PALLD: variants seen among roughly 807,000 people sequenced by gnomAD.
PALLD encodes the protein palladin.
A neutral mutation model predicts 123.5 loss-of-function variants in PALLD; 61 were observed. The observed-to-expected ratio is 0.49, with a 90% CI of 0.40 to 0.61. The LOEUF is 0.61. PALLD is among the 20% of genes least tolerant of loss of function. The pLI is 0.00. For synonymous variants in PALLD, 465 were observed against 496.4 expected, an observed-to-expected ratio of 0.94 and a Z score of 0.84; for missense variants, 1,273 against 1,377.0, an observed-to-expected ratio of 0.92 and a Z score of 1.20.
At chr4:168,525,467 G>A (rs1763954710) in intron 2 of PALLD, among the ~76,000 whole-genome samples, 1 of 152,208 alleles carries the variant, frequency 6.6e-6, no homozygotes, top group African/African-American at 2.4e-5. Context: ...TGTTAGGTGT[G>A]CAGACAAGGA....
intron 6 of PALLD, among the ~76,000 whole-genome samples, chr4:168,689,768 C>T (rs550147604): frequency 1.3e-5 from 2 of 152,062 alleles, no homozygotes; most frequent in Admixed American, 6.5e-5. Context: ...ATTCTATAGT[C>T]AGAAGTTTAA....
intron 10 of PALLD, among the ~76,000 whole-genome samples, chr4:168,838,389 G>A (rs192299110): frequency 2.6e-5 from 4 of 152,210 alleles, no homozygotes; most frequent in African/African-American, 4.8e-5. Flanking sequence ...ATGGAAGCTC[G>A]TGGAAGTTCT....
At chr4:168,795,098 C>A (rs1017053520) in intron 10 of PALLD, among the ~76,000 whole-genome samples, 2 of 152,114 alleles carry the variant, frequency 1.3e-5, no homozygotes, top group African/African-American at 4.8e-5. Context: ...ATGAGAGTTC[C>A]ACCCTTGTGA....
At chr4:168,532,798 C>T (rs2056943689) in intron 2 of PALLD, among the ~76,000 whole-genome samples, 1 of 151,934 alleles carries the variant, frequency 6.6e-6, no homozygotes, top group African/African-American at 2.4e-5. Flanking sequence ...GAAGAAATCA[C>T]AGATAATGAA....
At chr4:168,566,795 G>T (rs949439528) in intron 2 of PALLD, among the ~76,000 whole-genome samples, 20 of 152,180 alleles carry the variant, frequency 1.3e-4, no homozygotes, top group Non-Finnish European at 2.5e-4. Context: ...CTAAGCAGAA[G>T]AAATCTGCAT....
intron 2 of PALLD, among the ~76,000 whole-genome samples, chr4:168,559,194 C>CT (rs112575187): frequency 0.15 from 23,127 of 152,118 alleles, 1,847 homozygotes; most frequent in Middle Eastern, 0.25. Context: ...GTATTTCCCC[C>CT]GATGTATCTG....
chr4:168,729,003 G>A (rs559585766), intron 10 of PALLD, among the ~76,000 whole-genome samples: 2 of 152,238 alleles, frequency 1.3e-5, no homozygotes, highest in East Asian at 3.9e-4. Context: ...TTAACTCTTG[G>A]TGATAGTAGT....
chr4:168,847,578 C>A (rs1022056352), intron 10 of PALLD, among the ~76,000 whole-genome samples: 1 of 152,104 alleles, frequency 6.6e-6, no homozygotes, highest in Non-Finnish European at 1.5e-5. Context: ...TGGTGTTTTG[C>A]CCTGTGGAGT....
At chr4:168,794,442 T>C (rs905061575) in intron 10 of PALLD, among the ~76,000 whole-genome samples, 2 of 103,582 alleles carry the variant, frequency 1.9e-5, no homozygotes, top group African/African-American at 6.9e-5. Flanking sequence ...CGCACACACA[T>C]AGACATACGC....
chr4:168,781,023 G>T (rs554737683), intron 10 of PALLD, among the ~76,000 whole-genome samples: 1 of 152,096 alleles, frequency 6.6e-6, no homozygotes, highest in Non-Finnish European at 1.5e-5. Context: ...GATAGGAGTC[G>T]ACATTTGAAA....
intron 10 of PALLD, among the ~76,000 whole-genome samples, chr4:168,745,428 G>GC (rs201717753): frequency 1.6e-4 from 6 of 36,796 alleles, no homozygotes; most frequent in Admixed American, 2.7e-4. Context: ...TGAGATGGGA[G>GC]GGGGGGGCAA....
intron 6 of PALLD, among the ~76,000 whole-genome samples, chr4:168,686,973 T>C (rs1782123591): frequency 6.6e-6 from 1 of 152,188 alleles, no homozygotes. Context: ...AGTTTCTGAA[T>C]ACCTACAGAA....
chr4:168,744,618 A>C (rs772671688), intron 10 of PALLD, among the ~76,000 whole-genome samples: 3 of 152,254 alleles, frequency 2.0e-5, no homozygotes, highest in Non-Finnish European at 4.4e-5. Flanking sequence ...TAAGTGATTC[A>C]GAAGACACAG....
intron 18 of PALLD, 44 bp downstream of exon 18, chr4:168,921,785 C>T (rs1761556879): frequency 1.4e-6 from 2 of 1,419,294 alleles, no homozygotes; most frequent in South Asian, 1.2e-5. Flanking sequence ...GAATGAACAT[C>T]AGACTTACAA....
intron 10 of PALLD, among the ~76,000 whole-genome samples, chr4:168,811,939 C>T (rs1387260666): frequency 6.6e-6 from 1 of 151,972 alleles, no homozygotes; most frequent in Non-Finnish European, 1.5e-5. Context: ...ACAGTCCTAC[C>T]CTCGCCTGTT....
At chr4:168,621,698 A>G (rs2149797759) in intron 2 of PALLD, among the ~76,000 whole-genome samples, 2 of 152,340 alleles carry the variant, frequency 1.3e-5, no homozygotes, top group East Asian at 3.9e-4. Flanking sequence ...AAGGAATTTT[A>G]CTAAATGGCC....
intron 10 of PALLD, among the ~76,000 whole-genome samples, chr4:168,750,088 C>G (rs1353123846): frequency 1.3e-5 from 2 of 152,212 alleles, no homozygotes; most frequent in African/African-American, 2.4e-5. Flanking sequence ...GCTGGGATTA[C>G]AGGCACCTGC....
At chr4:168,898,825 C>A in intron 14 of PALLD, 111 bp downstream of exon 14, 1 of 778,196 alleles carries the variant, frequency 1.3e-6, no homozygotes, top group South Asian at 1.4e-5. Flanking sequence ...TTCTCAATAC[C>A]CACGATATAA....
At chr4:168,827,899 G>T (rs2150829738) in intron 10 of PALLD, among the ~76,000 whole-genome samples, 1 of 152,280 alleles carries the variant, frequency 6.6e-6, no homozygotes, top group African/African-American at 2.4e-5. Flanking sequence ...AAATTAGCTG[G>T]GTGTGATGGT....
Sources: allele counts gnomAD v4.1 joint callset (sites outside exome capture counted in the v4.1 genomes callset), GRCh38; gene constraint gnomAD v4.1.1; transcripts MANE v1.5; gene names NCBI Gene and HGNC (gene_info 2026-07-23, HGNC 2026-07-21).